LINGO1: variants seen among roughly 807,000 people sequenced by gnomAD.
LINGO1 encodes leucine-rich repeat and immunoglobulin-like domain-containing nogo receptor-interacting protein 1.
Under a neutral mutation model 37.3 loss-of-function variants are expected in LINGO1, and 11 were observed. The observed-to-expected ratio is 0.29, with a 90% CI of 0.19 to 0.49. The LOEUF is 0.49. LINGO1 is among the 20% of genes least tolerant of loss of function. LINGO1 has a pLI of 0.99. For missense variants in LINGO1, 585 were observed against 878.2 expected (o/e 0.67, Z 4.22); for synonymous variants, 387 against 403.0 (o/e 0.96, Z 0.48).
At chr15:77,744,347 A>G (rs2076292517) in intron 1 of LINGO1, among the ~76,000 whole-genome samples, 1 of 152,176 alleles carries the variant, frequency 6.6e-6, no homozygotes, top group African/African-American at 2.4e-5. Context: ...CAGTCTGGGC[A>G]ACATAGTGAA....
rs542254205 is a variant in LINGO1, at chr15:77,741,814, CCATA to C, written c.-256-6765_-256-6762del. On this transcript the variant is annotated intron_variant, in intron 1 of 3. Transcript: ENST00000561686. ...CTGGGGGCCAAAGAAGCCCTTGTCCCCATACATACTCAGAAAGCCTGGCCTAGAA... is the reference window on the plus strand; with the variant it reads ...CTGGGGGCCAAAGAAGCCCTTGTCCCCATACTCAGAAAGCCTGGCCTAGAA... 9.9e-5 allele frequency among the ~76,000 whole-genome samples: 15 copies of C among 152,260 alleles called. No individual in the cohort carries two copies. In the South Asian group the frequency reaches 3.1e-3, roughly 32 times the overall value.
intron 3 of LINGO1, among the ~76,000 whole-genome samples, chr15:77,646,667 G>A (rs375148200): frequency 1.3e-5 from 2 of 152,268 alleles, no homozygotes; most frequent in Non-Finnish European, 2.9e-5. Flanking sequence ...CCAATTATTC[G>A]CTCATCTCCA....
At chr15:77,792,314 C>T (rs573610144) in intron 2 of LINGO1, among the ~76,000 whole-genome samples, 9 of 152,358 alleles carry the variant, frequency 5.9e-5, no homozygotes, top group Middle Eastern at 3.4e-3. Flanking sequence ...GGCCCCACCA[C>T]CTCTGGTCTG....
In LINGO1 at chr15:77,782,929, C is replaced by T. The variant is rs896637071; in HGVS notation, c.-257+3940G>A. The stretch of plus-strand genomic sequence containing the variant: ...AGCACCCCCCTGCTCCTCAGCAGGG[C>T]GGCTAAGGCTGTTTCCCACCCCTGT... On this transcript the variant is annotated intron_variant, in intron 1 of 3. Transcript: ENST00000561686. Among the ~76,000 whole-genome samples, 14 of 152,222 alleles carry T rather than the reference C, an allele frequency of 9.2e-5. No homozygotes were observed. In the East Asian group the frequency reaches 1.4e-3, roughly 15 times the overall value.
chr15:77,668,656 AG>A lies in LINGO1; in HGVS notation c.-13+8432del, dbSNP rs1415618207. ...ACATGGCAAGTTCATGACAGTGTGC[AG>A]AGACTAGAAATAGGCAAGCACACAC... On this transcript the variant is annotated intron_variant, in intron 3 of 3. Transcript: ENST00000559893. Among the ~76,000 whole-genome samples the A allele has an allele frequency of 2.0e-5, 3 of 152,094 alleles. No homozygotes were observed. The East Asian group carries it at 5.8e-4, about 29-fold the overall frequency.
chr15:77,777,171 T>C (rs767984274), intron 1 of LINGO1, among the ~76,000 whole-genome samples: 2 of 152,270 alleles, frequency 1.3e-5, no homozygotes, highest in Non-Finnish European at 2.9e-5. Flanking sequence ...CCAGCCTCAA[T>C]TACAGGGGAT....
At chr15:77,644,428 G>C (rs945085700) in intron 3 of LINGO1, among the ~76,000 whole-genome samples, 1 of 152,218 alleles carries the variant, frequency 6.6e-6, no homozygotes, top group African/African-American at 2.4e-5. Flanking sequence ...AGGTGGTCGA[G>C]GAGGGGTACC....
rs185075211 is a variant in LINGO1 at position 77,629,524 on chromosome 15, G to A, written c.6+2786C>T. On this transcript the variant is annotated intron_variant, in intron 1 of 1. Coordinates refer to ENST00000355300, the MANE Select transcript of LINGO1 (RefSeq NM_032808.7). ...ACCTCTGACAACCTCAACCCCCAGGGAGAAATCTCACCCTTCTCTGAGTGC... is the reference window on the plus strand; with the variant it reads ...ACCTCTGACAACCTCAACCCCCAGGAAGAAATCTCACCCTTCTCTGAGTGC... Among the ~76,000 whole-genome samples, 73 of 152,244 alleles carry A rather than the reference G, an allele frequency of 4.8e-4. 1 individual carries two copies. In the Middle Eastern group the frequency reaches 0.01, roughly 21 times the overall value.
At chr15:77,667,868 AGCTGGATT>A (rs1479784578) in intron 3 of LINGO1, 5 of 152,258 alleles carry the variant, frequency 3.3e-5, no homozygotes, top group Admixed American at 3.3e-4. Context: ...GGCATCCTCC[AGCTGGATT>A]CATTCATGAA....
At chr15:77,726,150 C>T (rs2076099813) in intron 2 of LINGO1, among the ~76,000 whole-genome samples, 1 of 152,214 alleles carries the variant, frequency 6.6e-6, no homozygotes, top group African/African-American at 2.4e-5. Flanking sequence ...TTTTTCTCCC[C>T]CAGACCAGTG....
At chr15:77,757,618 A>G (rs1270068321) in intron 1 of LINGO1, among the ~76,000 whole-genome samples, 1 of 152,224 alleles carries the variant, frequency 6.6e-6, no homozygotes, top group African/African-American at 2.4e-5. Flanking sequence ...TATTCCCTCC[A>G]TGGACCGTGA....
chr15:77,660,051 G>C (rs1303242902), intron 3 of LINGO1: 1 of 152,254 alleles, frequency 6.6e-6, no homozygotes, highest in East Asian at 1.9e-4. Context: ...TCCAGGAAGA[G>C]ATCATCAGAC....
At chr15:77,721,999 G>T (rs1051395592) in intron 2 of LINGO1, among the ~76,000 whole-genome samples, 2 of 152,144 alleles carry the variant, frequency 1.3e-5, no homozygotes, top group Non-Finnish European at 2.9e-5. Context: ...ACCTTCCGAG[G>T]CTGCCTGGTG....
At chr15:77,632,923 C>G (rs2074309398), upstream of LINGO1, among the ~76,000 whole-genome samples, 10 of 150,494 alleles carry the variant, frequency 6.6e-5, no homozygotes, top group South Asian at 1.9e-3. The surrounding 1 kb of genome is among the most constrained non-coding windows in gnomAD (Gnocchi z 6.0). Context: ...AGGAGCGAGC[C>G]AGGGAGGGAG....
intron 1 of LINGO1, among the ~76,000 whole-genome samples, chr15:77,777,479 A>ACGCGCGCGCG (rs1430909064): frequency 3.7e-5 from 3 of 81,954 alleles, no homozygotes; most frequent in African/African-American, 1.3e-4. Context: ...ACACACACAC[A>ACGCGCGCGCG]CACACACACA....
At chr15:77,665,478 T>C (rs1365530080) in intron 3 of LINGO1, among the ~76,000 whole-genome samples, 1 of 152,202 alleles carries the variant, frequency 6.6e-6, no homozygotes, top group Non-Finnish European at 1.5e-5. Flanking sequence ...TTCTGCCTAT[T>C]GGAGGGGCTG....
upstream of LINGO1, among the ~76,000 whole-genome samples, chr15:77,633,109 C>T (rs573437034): frequency 6.6e-6 from 1 of 151,970 alleles, no homozygotes; most frequent in Non-Finnish European, 1.5e-5. Flanking sequence ...CTTAGGGCAG[C>T]GAAACAGGCA....
intron 1 of LINGO1, among the ~76,000 whole-genome samples, chr15:77,622,629 G>A (rs780070563): frequency 6.6e-6 from 1 of 152,156 alleles, no homozygotes; most frequent in Non-Finnish European, 1.5e-5. Flanking sequence ...TTCAGTATGC[G>A]GGATCCGTTT....
intron 1 of LINGO1, among the ~76,000 whole-genome samples, chr15:77,735,469 G>C (rs949864606): frequency 1.4e-4 from 21 of 152,206 alleles, no homozygotes; most frequent in African/African-American, 3.9e-4. Context: ...TGGTCCCAAG[G>C]AGCACAGAGG....
Sources: gnomAD v4.1 joint callset for allele counts (sites outside exome capture counted in the v4.1 genomes callset) on GRCh38, gnomAD v4.1.1 for gene constraint, Gnocchi (gnomAD v3.1) non-coding constraint, MANE v1.5 for transcripts, NCBI Gene and HGNC (gene_info 2026-07-23, HGNC 2026-07-21) for gene names.